Variants in GMEB1 observed in about 807,000 individuals in gnomAD.
GMEB1 encodes the protein glucocorticoid modulatory element-binding protein 1.
GMEB1 carries 6 observed loss-of-function variants against 52.4 expected under a neutral mutation model. That is an observed-to-expected ratio of 0.11 (90% CI 0.06 to 0.23). The LOEUF (loss-of-function observed/expected upper bound fraction) is 0.23. GMEB1 is among the 10% of genes least tolerant of loss of function. The pLI is 1.00. For missense variants in GMEB1, 486 were observed against 685.6 expected (o/e 0.71, Z 3.25); for synonymous variants, 255 against 244.9 (o/e 1.04, Z -0.38).
rs996548940 is a variant in GMEB1 at position 28,673,413 on chromosome 1, C to T, written c.-31+4574C>T. ...CTGGGATTACAGGCACCCACAACCA[C>T]GCCTGGCTAATTTTTGTATTTTTAG... On this transcript the variant is annotated intron_variant, in intron 1 of 9. Transcript: ENST00000373816. Among the ~76,000 whole-genome samples, 6 of 151,988 alleles carry T rather than the reference C, an allele frequency of 3.9e-5. No individual in the cohort carries two copies. In the South Asian group the frequency reaches 6.2e-4, roughly 16 times the overall value.
intron 3 of GMEB1, 60 bp downstream of exon 3, chr1:28,690,246 T>G: frequency 1.3e-6 from 1 of 772,156 alleles, no homozygotes. Context: ...ACCTTTGACT[T>G]TAGCTTCCTT....
intron 1 of GMEB1, among the ~76,000 whole-genome samples, chr1:28,680,642 G>A (rs940816765): frequency 1.3e-5 from 2 of 151,970 alleles, no homozygotes; most frequent in Non-Finnish European, 2.9e-5. Flanking sequence ...GGCTGAGGCA[G>A]GAGAATCGCT....
At chr1:28,683,807 C>G (rs531900725) in intron 2 of GMEB1, 67 bp downstream of exon 2, 1 of 1,470,934 alleles carries the variant, frequency 6.8e-7, no homozygotes, top group South Asian at 1.2e-5. Flanking sequence ...GAAATTATAA[C>G]TTTATGGTTG....
rs202243161 is a variant in GMEB1 at position 28,714,745 on chromosome 1, A to G, written c.1664A>G (p.Asn555Ser). 6.2e-7 allele frequency: 1 copy of G among 1,613,580 alleles called. No homozygotes were observed. Among genetic ancestry groups the G allele is most frequent in the Non-Finnish European group, 8.5e-7 (1 of 1,179,516 alleles). Residue 555 changes from asparagine to serine, a missense_variant, in exon 10 of 10, where the codon AAT becomes AGT. Asn to Ser is a conservative substitution (Grantham distance 46). Coordinates refer to ENST00000373816, the MANE Select transcript of GMEB1 (RefSeq NM_001319674.2). The part of the protein sequence containing the change: ...EMEEHQHQVH[N>S]VEIVVLED ...GAAGAACACCAGCATCAAGTTCACA[A>G]TGTGGAGATTGTGGTCTTAGAGGAT...
chr1:28,694,961 C>CT (rs556692778), intron 5 of GMEB1, among the ~76,000 whole-genome samples: 3,554 of 105,462 alleles, frequency 0.034, 247 homozygotes, highest in African/African-American at 0.11. Context: ...CGTGGCCAGC[C>CT]TTTTTTTTTT....
intron 8 of GMEB1, among the ~76,000 whole-genome samples, chr1:28,708,724 A>G (rs1192649698): frequency 6.6e-6 from 1 of 151,020 alleles, no homozygotes; most frequent in Non-Finnish European, 1.5e-5. Context: ...GGCTGGGATT[A>G]CAGATGGGAG....
At chr1:28,702,931 T>G (rs1043950286) in intron 7 of GMEB1, among the ~76,000 whole-genome samples, 7 of 151,840 alleles carry the variant, frequency 4.6e-5, no homozygotes, top group African/African-American at 1.7e-4. Context: ...AGCAGGCGCC[T>G]GTAGTCCCAG....
intron 1 of GMEB1, among the ~76,000 whole-genome samples, chr1:28,672,957 G>A (rs182188222): frequency 1.3e-4 from 20 of 149,706 alleles, no homozygotes; most frequent in East Asian, 2.0e-4. Context: ...GTGCAGTGGC[G>A]CGATCTCGGC....
intron 7 of GMEB1, 152 bp downstream of exon 7, chr1:28,702,721 A>G: frequency 1.6e-6 from 1 of 634,872 alleles, no homozygotes; most frequent in Non-Finnish European, 2.7e-6. Context: ...ACTTTAATCC[A>G]TGCAATAGCC....
chr1:28,672,892 C>T (rs1271161794), intron 1 of GMEB1, among the ~76,000 whole-genome samples: 1 of 151,438 alleles, frequency 6.6e-6, no homozygotes, highest in East Asian at 1.9e-4. Context: ...GCACATGCCA[C>T]CATGCCCAGA....
At chr1:28,674,439 C>T (rs190124642) in intron 1 of GMEB1, among the ~76,000 whole-genome samples, 262 of 151,952 alleles carry the variant, frequency 1.7e-3, no homozygotes, top group Middle Eastern at 3.4e-3. Flanking sequence ...TCCCTCTGTT[C>T]CCCATGTACA....
intron 2 of GMEB1, among the ~76,000 whole-genome samples, chr1:28,687,311 G>A (rs1669690089): frequency 7.6e-6 from 1 of 131,724 alleles, no homozygotes; most frequent in African/African-American, 2.9e-5. Flanking sequence ...ATTCTAGCCT[G>A]GGCAACAGAA....
Position 28,678,826 on chromosome 1 carries a change from A to G in GMEB1, c.-30-4757A>G, listed in dbSNP as rs547784560. Among the ~76,000 whole-genome samples, 6 of 151,966 alleles carry G rather than the reference A, an allele frequency of 3.9e-5. No individual in the cohort carries two copies. The South Asian group carries it at 1.2e-3, about 32-fold the overall frequency. On this transcript the variant is annotated intron_variant, in intron 1 of 9. Transcript: ENST00000373816. ...GGTCTTGAACTCCTGAGCTTAAGCAATCCGCCCACCTCAGCCTCCCAAAGT... is the reference window on the plus strand; with the variant it reads ...GGTCTTGAACTCCTGAGCTTAAGCAGTCCGCCCACCTCAGCCTCCCAAAGT...
At chr1:28,709,250 G>A (rs1195712151) in intron 8 of GMEB1, among the ~76,000 whole-genome samples, 1 of 151,498 alleles carries the variant, frequency 6.6e-6, no homozygotes, top group African/African-American at 2.4e-5. Context: ...GGGCTTGCAG[G>A]GAGCCAAGAT....
At chr1:28,711,612 G>A (rs559029144) in intron 9 of GMEB1, among the ~76,000 whole-genome samples, 1 of 151,970 alleles carries the variant, frequency 6.6e-6, no homozygotes, top group East Asian at 1.9e-4. Context: ...ATGTACCACC[G>A]TGCCCAGCTG....
intron 7 of GMEB1, among the ~76,000 whole-genome samples, chr1:28,703,624 C>T (rs1158571815): frequency 1.3e-5 from 2 of 151,942 alleles, no homozygotes; most frequent in Non-Finnish European, 2.9e-5. Flanking sequence ...CACGCCATTG[C>T]ACTCCAGCCT....
intron 1 of GMEB1, among the ~76,000 whole-genome samples, chr1:28,676,730 A>AAAAAT (rs1669167263): frequency 1.3e-5 from 2 of 151,314 alleles, no homozygotes; most frequent in Admixed American, 1.3e-4. Flanking sequence ...GTCTCAAAAA[A>AAAAAT]AAATAAATAA....
chr1:28,687,343 C>T (rs1028105449), intron 2 of GMEB1, among the ~76,000 whole-genome samples: 2 of 33,496 alleles, frequency 6.0e-5, no homozygotes, highest in African/African-American at 2.5e-4. Context: ...CTCACACACA[C>T]ACACACACAC....
chr1:28,678,300 T>G (rs1669244444), intron 1 of GMEB1, among the ~76,000 whole-genome samples: 1 of 148,334 alleles, frequency 6.7e-6, no homozygotes, highest in Non-Finnish European at 1.5e-5. Flanking sequence ...TTCTAGTGTT[T>G]TTGTTTGTTT....
Sources: gnomAD v4.1 joint callset for allele counts (sites outside exome capture counted in the v4.1 genomes callset) on GRCh38, gnomAD v4.1.1 for gene constraint, MANE v1.5 for transcripts, NCBI Gene and HGNC (gene_info 2026-07-23, HGNC 2026-07-21) for gene names.